Variants in MYZAP observed in about 807,000 individuals in gnomAD.
MYZAP encodes myocardial zonula adherens protein, also known as GRINL1A complex locus upstream.
In MYZAP, 66 loss-of-function variants were observed where a neutral mutation model predicts 69.4. The ratio of observed to expected loss-of-function variants is 0.95; its 90% confidence interval spans 0.78 to 1.17. MYZAP has a LOEUF of 1.17. Ranked by LOEUF, MYZAP falls within the 50% of genes most tolerant of loss-of-function variation. The probability of loss-of-function intolerance (pLI) is 0.00; values close to 1 mark genes in which losing one functional copy is unlikely to be tolerated. For missense variants in MYZAP, 611 were observed against 556.2 expected, an observed-to-expected ratio of 1.10 and a Z score of -0.99; for synonymous variants, 256 against 205.9, an observed-to-expected ratio of 1.24 and a Z score of -2.09.
chr15:57,599,675 T>C, intron 1 of MYZAP: 1 of 1,289,172 alleles, frequency 7.8e-7, no homozygotes, highest in South Asian at 1.2e-5. Context: ...CAGGAGACCA[T>C]GGAGATCAGC....
intron 3 of MYZAP, 79 bp from the exon 4 acceptor site, chr15:57,621,529 A>T: frequency 6.5e-7 from 1 of 1,536,332 alleles, no homozygotes; most frequent in South Asian, 1.2e-5. Context: ...TTCTTTCTTT[A>T]GAGTTTCTTA....
intron 2 of MYZAP, among the ~76,000 whole-genome samples, chr15:57,609,074 TATAG>T (rs541362060): frequency 6.6e-6 from 1 of 152,230 alleles, no homozygotes; most frequent in African/African-American, 2.4e-5. Context: ...TCCACATAGG[TATAG>T]ATATATATTT....
At chr15:57,596,775 G>T (rs1233691264) in intron 1 of MYZAP, among the ~76,000 whole-genome samples, 1 of 152,076 alleles carries the variant, frequency 6.6e-6, no homozygotes, top group Non-Finnish European at 1.5e-5. Flanking sequence ...CCATTTCCCC[G>T]AGCTTTCGAT....
At chr15:57,668,891 TATA>T (rs374703001) in intron 11 of MYZAP, among the ~76,000 whole-genome samples, 19,871 of 94,434 alleles carry the variant, frequency 0.21, 1,457 homozygotes, top group East Asian at 0.37. Context: ...TATATATATA[TATA>T]TTTTTTTTTT....
chr15:57,672,506 G>A (rs1234358160), intron 11 of MYZAP, among the ~76,000 whole-genome samples: 1 of 60,382 alleles, frequency 1.7e-5, no homozygotes, highest in African/African-American at 4.0e-5. Context: ...TCAGTGTGTT[G>A]AGTGCATACT....
In MYZAP at chr15:57,637,638, C is replaced by T. The variant is rs1449716770; in HGVS notation, c.934-57C>T. On this transcript the variant is annotated intron_variant, in intron 8 of 12. Transcript: ENST00000267853. Reference sequence around the variant, plus strand: ...CCTAGTGCTAGAATTGCTAAATAGACATTCTCTGTCAAACTTGGGATCCAT... The same window carrying T: ...CCTAGTGCTAGAATTGCTAAATAGATATTCTCTGTCAAACTTGGGATCCAT... 1.9e-6 allele frequency: 3 copies of T among 1,570,032 alleles called. No homozygotes were observed. In the African/African-American group the frequency reaches 4.0e-5, roughly 21 times the overall value.
chr15:57,658,685 A>G (rs1406967763), intron 10 of MYZAP, among the ~76,000 whole-genome samples: 3 of 152,170 alleles, frequency 2.0e-5, no homozygotes, highest in Non-Finnish European at 4.4e-5. Context: ...TGTGTGTTTC[A>G]TCGTGTATCA....
At chr15:57,637,799 G>C (rs2036902195) in intron 9 of MYZAP, 25 bp downstream of exon 9, 1 of 1,590,704 alleles carries the variant, frequency 6.3e-7, no homozygotes, top group African/African-American at 1.3e-5. Flanking sequence ...CTTTCGTCTT[G>C]TAATGGATTT....
chr15:57,627,109 T>C (rs2036181619), intron 5 of MYZAP, among the ~76,000 whole-genome samples: 1 of 152,096 alleles, frequency 6.6e-6, no homozygotes, highest in African/African-American at 2.4e-5. Context: ...AGTTCAGACT[T>C]AGTCGGTATT....
chr15:57,659,320 T>C (rs2038161700), intron 10 of MYZAP, among the ~76,000 whole-genome samples: 1 of 152,196 alleles, frequency 6.6e-6, no homozygotes, highest in Admixed American at 6.5e-5. Flanking sequence ...GAATGCTATT[T>C]AGAGACCACA....
chr15:57,656,415 A>G (rs1391636576), intron 10 of MYZAP, among the ~76,000 whole-genome samples: 1 of 152,236 alleles, frequency 6.6e-6, no homozygotes, highest in African/African-American at 2.4e-5. Flanking sequence ...TTGAGTGTTT[A>G]TCATGTGCTA....
chr15:57,663,993 A>G (rs1020989714), intron 11 of MYZAP, among the ~76,000 whole-genome samples: 8 of 152,084 alleles, frequency 5.3e-5, no homozygotes, highest in African/African-American at 1.9e-4. Context: ...AGATTTAATA[A>G]TACATTTAGA....
At chr15:57,654,663 T>C (rs1396807299) in intron 10 of MYZAP, among the ~76,000 whole-genome samples, 1 of 152,210 alleles carries the variant, frequency 6.6e-6, no homozygotes, top group African/African-American at 2.4e-5. Context: ...CTCACATGAC[T>C]ACAATGCTAC....
chr15:57,678,771 A>G (rs114819597), intron 12 of MYZAP, among the ~76,000 whole-genome samples: 1,784 of 152,154 alleles, frequency 0.012, 37 homozygotes, highest in African/African-American at 0.041. Context: ...GTAGAATAGC[A>G]TGGCCTCTCC....
At chr15:57,656,009 G>A (rs1458791494) in intron 10 of MYZAP, among the ~76,000 whole-genome samples, 5 of 152,168 alleles carry the variant, frequency 3.3e-5, no homozygotes, top group Non-Finnish European at 5.9e-5. Context: ...CCACCACCTG[G>A]TGACAGCTAG....
At chr15:57,656,808 A>C (rs1486255100) in intron 10 of MYZAP, among the ~76,000 whole-genome samples, 1 of 152,232 alleles carries the variant, frequency 6.6e-6, no homozygotes, top group Non-Finnish European at 1.5e-5. Context: ...CCAGGATAAA[A>C]GCAAATCTGC....
At chr15:57,680,413 G>A (rs1466711348) in intron 12 of MYZAP, among the ~76,000 whole-genome samples, 3 of 151,770 alleles carry the variant, frequency 2.0e-5, no homozygotes, top group African/African-American at 7.3e-5. Context: ...AATTTCTAGT[G>A]ACCAAGGATC....
chr15:57,606,614 A>G (rs886517131), intron 2 of MYZAP, among the ~76,000 whole-genome samples: 1 of 151,480 alleles, frequency 6.6e-6, no homozygotes, highest in Non-Finnish European at 1.5e-5. Context: ...GCATTAGGAG[A>G]TATACCTAAT....
At chr15:57,641,814 A>T (rs796070878) in intron 10 of MYZAP, among the ~76,000 whole-genome samples, 27 of 152,324 alleles carry the variant, frequency 1.8e-4, no homozygotes, top group African/African-American at 5.3e-4. Context: ...TATTTTTTTT[A>T]AAAGTTAGAA....
Sources: allele counts gnomAD v4.1 joint callset (sites outside exome capture counted in the v4.1 genomes callset), GRCh38; gene constraint gnomAD v4.1.1; transcripts MANE v1.5; gene names NCBI Gene and HGNC (gene_info 2026-07-23, HGNC 2026-07-21).